Variants in FAM110C observed in about 807,000 individuals in gnomAD.
FAM110C encodes protein FAM110C.
A neutral mutation model predicts 15.7 loss-of-function variants in FAM110C; 19 were observed. That is an observed-to-expected ratio of 1.21 (90% CI 0.85 to 1.78). The LOEUF (loss-of-function observed/expected upper bound fraction) is 1.78. Ranked by LOEUF, FAM110C falls within the 40% of genes most tolerant of loss-of-function variation. FAM110C has a pLI of 0.00. For synonymous variants in FAM110C, 275 were observed against 233.9 expected, an observed-to-expected ratio of 1.18 and a Z score of -1.61; for missense variants, 547 against 495.7, an observed-to-expected ratio of 1.10 and a Z score of -0.98.
chr2:42,712 A>T, intron 1 of FAM110C: 1 of 504,832 alleles, frequency 2.0e-6, no homozygotes, highest in Non-Finnish European at 2.6e-6. Flanking sequence ...GTTCTATTAT[A>T]ATTGAGACAC....
At position 41,444 on chromosome 2, in the gene FAM110C, G is replaced by T; in HGVS notation, c.*164C>A. On this transcript the variant is annotated 3_prime_UTR_variant, in exon 2 of 2. Coordinates refer to ENST00000327669, the MANE Select transcript of FAM110C (RefSeq NM_001077710.3). ...ACAACTCAGCTAAATTTCAAGGTCTGTGTTCCCATATTCTCTGTAGTATTT... is the reference window on the plus strand; with the variant it reads ...ACAACTCAGCTAAATTTCAAGGTCTTTGTTCCCATATTCTCTGTAGTATTT... 1.5e-6 allele frequency: 1 copy of T among 669,194 alleles called. No homozygotes were observed. The highest frequency in any genetic ancestry group is 2.4e-6 in the Non-Finnish European group (1 of 421,356). 41.5% of individuals were successfully genotyped at this position (669,194 alleles called of 1,614,324 possible). A position where few individuals can be genotyped will look rare whatever the true frequency, so the allele number is the denominator to read the frequency against.
At chr2:42,127 G>C in intron 1 of FAM110C, 6 of 985,394 alleles carry the variant, frequency 6.1e-6, no homozygotes, top group Non-Finnish European at 7.2e-6. Context: ...CCTAAAATGT[G>C]CTCCTAGTCG....
intron 1 of FAM110C, chr2:42,932 C>T (rs1439558084): frequency 1.0e-6 from 1 of 985,328 alleles, no homozygotes; most frequent in Non-Finnish European, 1.2e-6. Context: ...CAGAACTGGT[C>T]TCAGAACAAG....
intron 1 of FAM110C, chr2:42,710 A>G: frequency 2.0e-6 from 1 of 494,712 alleles, no homozygotes; most frequent in Non-Finnish European, 2.6e-6. Flanking sequence ...TAGTTCTATT[A>G]TAATTGAGAC....
chr2:44,615 C>T lies in FAM110C; in HGVS notation c.946+825G>A, dbSNP rs566707608. ...TTTCTCTTCACTACTTTCCAAGACG[C>T]CCATAGGGAAGAGCAGGTAACAGTG... On this transcript the variant is annotated intron_variant, in intron 1 of 1. Transcript: ENST00000327669. The T allele has an allele frequency of 9.1e-6, 9 of 985,406 alleles. No individual in the cohort carries two copies. The East Asian group carries it at 4.5e-4, about 50-fold the overall frequency. 61.0% of individuals were successfully genotyped at this position (985,406 alleles called of 1,614,324 possible).
intron 1 of FAM110C, chr2:44,653 C>T: frequency 1.0e-6 from 1 of 985,380 alleles, no homozygotes; most frequent in Non-Finnish European, 1.2e-6. Context: ...GACCAGCACT[C>T]CTCAGTTCCC....
At position 41,767 on chromosome 2, in the gene FAM110C, C is replaced by A. The variant is rs540368251; in HGVS notation, c.947-140G>T. 6 of 1,355,860 alleles carry A rather than the reference C, an allele frequency of 4.4e-6. No homozygotes were observed. In the East Asian group the frequency reaches 1.4e-4, roughly 32 times the overall value. 84.0% of individuals were successfully genotyped at this position (1,355,860 alleles called of 1,614,324 possible). On this transcript the variant is annotated intron_variant, in intron 1 of 1. Coordinates refer to ENST00000327669, the MANE Select transcript of FAM110C (RefSeq NM_001077710.3). ...CTGCATTTTGAAACATCTTCTTTTG[C>A]GTTTTAAATTTTGACAAGAGGTCAG...
At chr2:43,864 T>A (rs960795966) in intron 1 of FAM110C, 1 of 985,314 alleles carries the variant, frequency 1.0e-6, no homozygotes, top group African/African-American at 1.7e-5. Flanking sequence ...TGGGTTTCAG[T>A]CATGCAACAC....
rs1273581128 is a variant in FAM110C, at chr2:40,508, C to T, written c.*1100G>A. Reference sequence around the variant, plus strand: ...GGTTCTGAATCTGAATCTATTCACTCTGGGTGTCATAAGCAAGTTCAGAAT... The same window carrying T: ...GGTTCTGAATCTGAATCTATTCACTTTGGGTGTCATAAGCAAGTTCAGAAT... On this transcript the variant is annotated 3_prime_UTR_variant, in exon 2 of 2. Coordinates refer to ENST00000327669, the MANE Select transcript of FAM110C (RefSeq NM_001077710.3). The T allele has an allele frequency of 6.6e-6, 1 of 152,192 alleles. No individual in the cohort carries two copies. Among genetic ancestry groups the T allele is most frequent in the African/African-American group, 2.4e-5 (1 of 41,440 alleles). The allele number at this position is 152,192 out of a possible 1,614,324, so 9.4% of individuals were successfully genotyped here. A position where few individuals can be genotyped will look rare whatever the true frequency, so the allele number is the denominator to read the frequency against.
intron 1 of FAM110C, chr2:43,829 CT>C (rs200449449): frequency 1.2e-4 from 119 of 985,168 alleles, no homozygotes; most frequent in Non-Finnish European, 1.4e-4. Flanking sequence ...CAATAGACAA[CT>C]TTTTTTTGTT....
In FAM110C at chr2:46,199, TG is replaced by T; in HGVS notation, c.186del (p.Ser63AlafsTer33). On this transcript the variant is annotated frameshift_variant, in exon 1 of 2. Transcript: ENST00000327669. LOFTEE classifies it high-confidence loss of function. ...PGTGRGVASE[G>X]SGPGAIKCPG... Reference sequence around the variant, plus strand: ...GGGCACTTGATCGCCCCCGGGCCGCTGCCCTCGGAAGCGACGCCCCGGCCAG... The same window carrying T: ...GGGCACTTGATCGCCCCCGGGCCGCTCCCTCGGAAGCGACGCCCCGGCCAG... The T allele has an allele frequency of 7.3e-6, 10 of 1,377,298 alleles. No individual in the cohort carries two copies. Among genetic ancestry groups the T allele is most frequent in the Non-Finnish European group, 8.4e-6 (9 of 1,072,432 alleles). The allele number at this position is 1,377,298 out of a possible 1,614,324, so 85.3% of individuals were successfully genotyped here.
intron 1 of FAM110C, chr2:45,029 C>T (rs1236009128): frequency 1.0e-6 from 1 of 985,274 alleles, no homozygotes; most frequent in African/African-American, 1.7e-5. Context: ...CCGCCCACAG[C>T]ACAGGTCAAT....
intron 1 of FAM110C, chr2:42,674 T>A (rs73140409): frequency 3.3e-6 from 1 of 305,700 alleles, no homozygotes; most frequent in Non-Finnish European, 4.8e-6. Context: ...CTTTACCCCA[T>A]GGGGCAAGAA....
In FAM110C at chr2:46,459, C is replaced by G. The variant is rs957403875; in HGVS notation, c.-74G>C. 8.6e-6 allele frequency: 10 copies of G among 1,168,166 alleles called. No individual in the cohort carries two copies. The highest frequency in any genetic ancestry group is 9.7e-6 in the Non-Finnish European group (9 of 924,480). 72.4% of individuals were successfully genotyped at this position (1,168,166 alleles called of 1,614,324 possible). The stretch of plus-strand genomic sequence containing the variant: ...CTCGAGTGGTAGAGCCAGTCAGTCC[C>G]AGGGCCGGTTCCGAAGTCCGCGCCG... On this transcript the variant is annotated 5_prime_UTR_variant, in exon 1 of 2. Transcript: ENST00000327669.
chr2:43,341 T>C, intron 1 of FAM110C: 1 of 985,398 alleles, frequency 1.0e-6, no homozygotes, highest in Non-Finnish European at 1.2e-6. Context: ...CAGTTGCCAT[T>C]GTCTCCAGTC....
chr2:43,622 C>A (rs910674995), intron 1 of FAM110C: 5 of 985,372 alleles, frequency 5.1e-6, no homozygotes, highest in Non-Finnish European at 6.0e-6. Context: ...TTGGCTAATT[C>A]GAGATGGGAA....
In FAM110C at chr2:46,082, T is replaced by C; in HGVS notation, c.304A>G (p.Ile102Val). Residue 102 changes from isoleucine to valine, a missense_variant, in exon 1 of 2, where the codon ATC (isoleucine) becomes GTC (valine). Transcript: ENST00000327669. ...ACGAATTCGCATTTCTGCCGGTAGA[T>C]GATCAGCGAGTCCGGTCTCAACGGC... ...RKPLRPDSLI[I>V]YRQKCEFVRG... 1 of 1,522,162 alleles carries C rather than the reference T, an allele frequency of 6.6e-7. No homozygotes were observed. The highest frequency in any genetic ancestry group is 1.2e-5 in the South Asian group (1 of 82,244). The allele number at this position is 1,522,162 out of a possible 1,614,324, so 94.3% of individuals were successfully genotyped here.
At chr2:44,753 A>G in intron 1 of FAM110C, 1 of 985,424 alleles carries the variant, frequency 1.0e-6, no homozygotes, top group Non-Finnish European at 1.2e-6. Flanking sequence ...AGAGGCAAAT[A>G]AACTATAGAC....
intron 1 of FAM110C, chr2:43,625 G>A: frequency 1.0e-6 from 1 of 985,394 alleles, no homozygotes. Flanking sequence ...GCTAATTCGA[G>A]ATGGGAACCA....
Sources: gnomAD v4.1 joint callset for allele counts on GRCh38, gnomAD v4.1.1 for gene constraint, MANE v1.5 for transcripts, NCBI Gene and HGNC (gene_info 2026-07-23, HGNC 2026-07-21) for gene names.